Variants in HDAC9 observed in about 807,000 individuals in gnomAD.
HDAC9 encodes the protein histone deacetylase 9, also known as MEF-2 interacting transcription repressor (MITR) protein.
In HDAC9, 41 loss-of-function variants were observed where a neutral mutation model predicts 139.4. The observed-to-expected ratio is 0.29, with a 90% confidence interval of 0.23 to 0.38. The LOEUF (loss-of-function observed/expected upper bound fraction) is 0.38. Ranked by LOEUF, HDAC9 falls within the 10% of genes least tolerant of loss-of-function variation. The pLI is 1.00. For missense variants in HDAC9, 1,147 were observed against 1,297.0 expected (o/e 0.88, Z 1.78); for synonymous variants, 517 against 476.2 (o/e 1.09, Z -1.12).
chr7:18,668,502 A>G, intron 12 of HDAC9: 1 of 979,490 alleles, frequency 1.0e-6, no homozygotes, highest in South Asian at 4.7e-5. Flanking sequence ...CTTTTGTATA[A>G]TATTACTTCA....
At chr7:18,359,869 A>G (rs892801102) in intron 1 of HDAC9, among the ~76,000 whole-genome samples, 1 of 152,168 alleles carries the variant, frequency 6.6e-6, no homozygotes, top group African/African-American at 2.4e-5. Flanking sequence ...TCGGCCTCCC[A>G]AAGTGCTGAG....
Position 18,272,689 on chromosome 7 carries a change from A to G in HDAC9, c.25+110340A>G, listed in dbSNP as rs187056836. ...AGATTTAAATCAATGGAGAAATACT[A>G]TTTTTATGGATTGGATAAGTCAATG... is the stretch of plus-strand genomic sequence containing the variant. On this transcript the variant is annotated intron_variant, in intron 2 of 12. Coordinates refer to the HDAC9 transcript ENST00000417496. Among the ~76,000 whole-genome samples, 259 of 152,236 alleles carry G rather than the reference A, an allele frequency of 1.7e-3. 3 individuals carry two copies. The highest frequency in any genetic ancestry group is 6.0e-3 in the African/African-American group (251 of 41,548).
At chr7:18,812,526 C>CT in intron 17 of HDAC9, among the ~76,000 whole-genome samples, 1 of 151,376 alleles carries the variant, frequency 6.6e-6, no homozygotes, top group Admixed American at 6.6e-5. Flanking sequence ...TTTGTCTTTC[C>CT]TTTTTTTGAA....
chr7:18,475,573 T>A (rs76456055), intron 1 of HDAC9, among the ~76,000 whole-genome samples: 2 of 152,138 alleles, frequency 1.3e-5, no homozygotes, highest in African/African-American at 4.8e-5. Flanking sequence ...TGGAGATGCA[T>A]TTTTTTCTAA....
intron 1 of HDAC9, among the ~76,000 whole-genome samples, chr7:18,405,448 A>G (rs923809653): frequency 2.6e-5 from 4 of 152,106 alleles, no homozygotes; most frequent in African/African-American, 9.7e-5. Context: ...TTCCTTCCCC[A>G]AGTGAAAATA....
intron 25 of HDAC9, among the ~76,000 whole-genome samples, chr7:18,984,761 A>G (rs952079392): frequency 6.6e-6 from 1 of 152,200 alleles, no homozygotes; most frequent in African/African-American, 2.4e-5. Context: ...GAAGGTGACT[A>G]TGTATTGTAG....
At chr7:18,938,615 A>C (rs1409900361) in intron 23 of HDAC9, among the ~76,000 whole-genome samples, 1 of 152,198 alleles carries the variant, frequency 6.6e-6, no homozygotes, top group Non-Finnish European at 1.5e-5. Flanking sequence ...AATAATAAAA[A>C]AAAATCTCAA....
chr7:18,665,929 A>C (rs1473262273), intron 11 of HDAC9, among the ~76,000 whole-genome samples: 1 of 152,076 alleles, frequency 6.6e-6, no homozygotes, highest in African/African-American at 2.4e-5. Flanking sequence ...ACCTTTTTCT[A>C]CACCATGTTC....
At chr7:18,296,403 C>G (rs1272821515) in intron 1 of HDAC9, among the ~76,000 whole-genome samples, 1 of 148,792 alleles carries the variant, frequency 6.7e-6, no homozygotes, top group East Asian at 2.0e-4. Context: ...TTGATTATAA[C>G]ATAATTCATA....
chr7:18,142,855 G>C (rs1786010299), intron 1 of HDAC9, among the ~76,000 whole-genome samples: 1 of 152,164 alleles, frequency 6.6e-6, no homozygotes, highest in Non-Finnish European at 1.5e-5. Context: ...CTGCTCCCAA[G>C]TGTGTGGCGT....
intron 1 of HDAC9, among the ~76,000 whole-genome samples, chr7:18,108,936 G>A (rs1446272974): frequency 6.6e-6 from 1 of 152,046 alleles, no homozygotes; most frequent in African/African-American, 2.4e-5. Flanking sequence ...TCTCTTATCA[G>A]GAATATGTTA....
chr7:18,285,639 T>C (rs1245715350), upstream of HDAC9, among the ~76,000 whole-genome samples: 1 of 152,102 alleles, frequency 6.6e-6, no homozygotes, highest in South Asian at 2.1e-4. Context: ...GCATCAATGA[T>C]ATATGAAAAT....
At chr7:18,976,016 G>C (rs770907210) in intron 25 of HDAC9, 63 bp downstream of exon 25, 44 of 1,530,202 alleles carry the variant, frequency 2.9e-5, no homozygotes, top group Non-Finnish European at 3.7e-5. Context: ...GTTGATATTT[G>C]TGAATCTTCC....
chr7:18,985,582 C>T (rs1302606781), intron 25 of HDAC9, among the ~76,000 whole-genome samples: 10 of 150,254 alleles, frequency 6.7e-5, no homozygotes, highest in Non-Finnish European at 1.2e-4. Flanking sequence ...TGGGTATATA[C>T]CCAGTAATGG....
At chr7:18,733,493 C>G (rs963241299) in intron 13 of HDAC9, among the ~76,000 whole-genome samples, 2 of 151,292 alleles carry the variant, frequency 1.3e-5, no homozygotes, top group Admixed American at 1.3e-4. Flanking sequence ...TTTCAAAAAA[C>G]TCTTCCAAAA....
chr7:18,981,415 G>T (rs377580826), intron 25 of HDAC9, among the ~76,000 whole-genome samples: 1 of 152,144 alleles, frequency 6.6e-6, no homozygotes, highest in African/African-American at 2.4e-5. Flanking sequence ...GTAGAATACT[G>T]CAAATTTAAT....
At chr7:18,659,085 T>C (rs1452258759) in intron 11 of HDAC9, among the ~76,000 whole-genome samples, 6 of 152,106 alleles carry the variant, frequency 3.9e-5, no homozygotes, top group Non-Finnish European at 5.9e-5. Flanking sequence ...GAAAATCAGA[T>C]GTTTATGAGG....
At chr7:18,915,881 A>T (rs991989036) in intron 22 of HDAC9, among the ~76,000 whole-genome samples, 1 of 151,814 alleles carries the variant, frequency 6.6e-6, no homozygotes, top group African/African-American at 2.4e-5. Context: ...TTTACCAATT[A>T]TGGGACTGGG....
intron 1 of HDAC9, among the ~76,000 whole-genome samples, chr7:18,100,527 C>T (rs370999973): frequency 6.6e-6 from 1 of 152,128 alleles, no homozygotes; most frequent in East Asian, 1.9e-4. Context: ...ATTGCTGTGT[C>T]TTCAAGTTCA....
Sources: allele counts gnomAD v4.1 joint callset (sites outside exome capture counted in the v4.1 genomes callset), GRCh38; gene constraint gnomAD v4.1.1; transcripts MANE v1.5; gene names NCBI Gene and HGNC (gene_info 2026-07-23, HGNC 2026-07-21).